The following FGF14 variants were observed in gnomAD, a reference collection of about 807,000 sequenced individuals.
FGF14 encodes fibroblast growth factor homologous factor 4.
In FGF14, 5 loss-of-function variants were observed where a neutral mutation model predicts 25.5. The ratio of observed to expected loss-of-function variants is 0.20; its 90% CI spans 0.10 to 0.41. FGF14 has a LOEUF of 0.41. Ranked by LOEUF, FGF14 falls within the 10% of genes least tolerant of loss-of-function variation. The pLI, the probability that FGF14 is intolerant of heterozygous loss-of-function variation, is 1.00. For synonymous variants in FGF14, 138 were observed against 118.3 expected, an observed-to-expected ratio of 1.17 and a Z score of -1.08; for missense variants, 222 against 320.1, an observed-to-expected ratio of 0.69 and a Z score of 2.34.
At chr13:102,076,333 T>G (rs1426766182) in intron 1 of FGF14, among the ~76,000 whole-genome samples, 3 of 152,224 alleles carry the variant, frequency 2.0e-5, no homozygotes, top group South Asian at 4.1e-4. Context: ...CACTTAACAC[T>G]GTGTTACAAT....
intron 3 of FGF14, among the ~76,000 whole-genome samples, chr13:101,744,666 A>C (rs2139803532): frequency 6.6e-6 from 1 of 152,290 alleles, no homozygotes; most frequent in Admixed American, 6.5e-5. Flanking sequence ...AATAGCTTTT[A>C]AATCTAAGAG....
chr13:101,813,698 G>A (rs1016243560), intron 3 of FGF14, among the ~76,000 whole-genome samples: 10 of 152,108 alleles, frequency 6.6e-5, no homozygotes, highest in Admixed American at 1.3e-4. Flanking sequence ...TTTCAAATTG[G>A]CCCAGTACAA....
chr13:102,287,914 A>C (rs1198914170), intron 1 of FGF14, among the ~76,000 whole-genome samples: 4 of 152,210 alleles, frequency 2.6e-5, no homozygotes, highest in Admixed American at 6.5e-5. Flanking sequence ...CACAGTAGGC[A>C]TTCAGTAGTT....
chr13:102,317,700 C>T (rs187855250), intron 1 of FGF14, among the ~76,000 whole-genome samples: 3 of 152,218 alleles, frequency 2.0e-5, no homozygotes, highest in East Asian at 1.9e-4. Context: ...GGACAGGACC[C>T]GCCCCTCCCT....
intron 1 of FGF14, among the ~76,000 whole-genome samples, chr13:102,156,832 T>C (rs943082303): frequency 8.5e-5 from 13 of 152,218 alleles, no homozygotes; most frequent in African/African-American, 2.7e-4. Context: ...ACAAAATCAA[T>C]GTGCAAAAAT....
At chr13:102,071,501 T>C (rs2043152760) in intron 1 of FGF14, among the ~76,000 whole-genome samples, 1 of 152,230 alleles carries the variant, frequency 6.6e-6, no homozygotes, top group Non-Finnish European at 1.5e-5. Context: ...TCCCTCTTGG[T>C]ATTTTTTATA....
chr13:102,295,375 CAA>C (rs1212049114), intron 1 of FGF14, among the ~76,000 whole-genome samples: 1 of 152,080 alleles, frequency 6.6e-6, no homozygotes, highest in African/African-American at 2.4e-5. Flanking sequence ...GTGGTGTAGG[CAA>C]AGAGGATTCC....
chr13:101,894,834 T>C (rs1046720402), intron 1 of FGF14, among the ~76,000 whole-genome samples: 4 of 152,192 alleles, frequency 2.6e-5, no homozygotes, highest in Admixed American at 6.6e-5. Context: ...TTGCTCTTTA[T>C]TAGTCACCTT....
At chr13:101,970,136 AG>A (rs2037504105) in intron 1 of FGF14, among the ~76,000 whole-genome samples, 1 of 152,194 alleles carries the variant, frequency 6.6e-6, no homozygotes, top group African/African-American at 2.4e-5. Flanking sequence ...TTTGAAGATG[AG>A]GGGACTGAGG....
At chr13:101,754,005 C>T (rs1410843178) in intron 3 of FGF14, among the ~76,000 whole-genome samples, 2 of 152,082 alleles carry the variant, frequency 1.3e-5, no homozygotes, top group East Asian at 1.9e-4. Flanking sequence ...AGTAAGAAAG[C>T]GGCCAAATCT....
intron 1 of FGF14, among the ~76,000 whole-genome samples, chr13:102,163,837 C>CA (rs1005829641): frequency 6.6e-6 from 1 of 151,986 alleles, no homozygotes; most frequent in Non-Finnish European, 1.5e-5. Flanking sequence ...GACTTGCCCC[C>CA]CCCAGAAAAC....
chr13:102,079,520 A>T (rs1318760990), intron 1 of FGF14, among the ~76,000 whole-genome samples: 1 of 152,126 alleles, frequency 6.6e-6, no homozygotes, highest in Non-Finnish European at 1.5e-5. Context: ...ACTTCAAGTG[A>T]TCCTCCTGCC....
chr13:102,290,115 G>A (rs1032148487), intron 1 of FGF14, among the ~76,000 whole-genome samples: 1 of 152,188 alleles, frequency 6.6e-6, no homozygotes, highest in African/African-American at 2.4e-5. Flanking sequence ...GAATGATTAT[G>A]TCCCTTCAAA....
At chr13:102,038,775 AATG>A (rs1407088505) in intron 1 of FGF14, among the ~76,000 whole-genome samples, 2 of 152,090 alleles carry the variant, frequency 1.3e-5, no homozygotes, top group African/African-American at 4.8e-5. Context: ...TTTATATTTA[AATG>A]ATTAAATGAA....
At chr13:102,174,863 C>T (rs2048380704) in intron 1 of FGF14, among the ~76,000 whole-genome samples, 1 of 151,890 alleles carries the variant, frequency 6.6e-6, no homozygotes, top group South Asian at 2.1e-4. Flanking sequence ...CAGACCTCAG[C>T]ATCACACAAT....
chr13:102,196,738 G>A (rs12877209), intron 1 of FGF14, among the ~76,000 whole-genome samples: 1,581 of 152,134 alleles, frequency 0.01, 14 homozygotes, highest in Non-Finnish European at 0.017. Context: ...TAATGCAATC[G>A]TATTTATTAT....
intron 1 of FGF14, among the ~76,000 whole-genome samples, chr13:102,199,167 CA>C (rs1719556050): frequency 6.6e-6 from 1 of 152,088 alleles, no homozygotes; most frequent in African/African-American, 2.4e-5. Context: ...GGAAACTGTC[CA>C]TTTAAACTAA....
chr13:101,863,853 G>A (rs2044555736), intron 3 of FGF14, among the ~76,000 whole-genome samples: 1 of 152,232 alleles, frequency 6.6e-6, no homozygotes, highest in Non-Finnish European at 1.5e-5. Flanking sequence ...GAAGCATGAG[G>A]TGGGTTGCTC....
chr13:102,218,405 G>C (rs1462138015), intron 1 of FGF14, among the ~76,000 whole-genome samples: 3 of 152,064 alleles, frequency 2.0e-5, no homozygotes, highest in African/African-American at 7.2e-5. Flanking sequence ...TGGGAAATTA[G>C]AATTTGAGGG....
Sources: allele counts gnomAD v4.1 joint callset (sites outside exome capture counted in the v4.1 genomes callset), GRCh38; gene constraint gnomAD v4.1.1; transcripts MANE v1.5; gene names NCBI Gene and HGNC (gene_info 2026-07-23, HGNC 2026-07-21).